Variants in CCDC12 observed in about 807,000 individuals in gnomAD.
The protein encoded by CCDC12 is coiled-coil domain containing 12, also known as coiled-coil domain-containing protein 12.
In CCDC12, 28 loss-of-function variants were observed where a neutral mutation model predicts 25.7. The observed-to-expected ratio is 1.09, with a 90% CI of 0.81 to 1.50. CCDC12 has a LOEUF of 1.50. CCDC12 is among the 40% of genes most tolerant of loss of function. The probability of loss-of-function intolerance (pLI) is 0.00; values close to 1 mark genes in which losing one functional copy is unlikely to be tolerated. For synonymous variants in CCDC12, 75 were observed against 87.7 expected, an observed-to-expected ratio of 0.86 and a Z score of 0.81; for missense variants, 198 against 210.0, an observed-to-expected ratio of 0.94 and a Z score of 0.35.
At chr3:46,964,805 C>T (rs984591255) in intron 1 of CCDC12, among the ~76,000 whole-genome samples, 1 of 152,122 alleles carries the variant, frequency 6.6e-6, no homozygotes, top group African/African-American at 2.4e-5. Context: ...CCCAGGGACA[C>T]AAACACTGCT....
At chr3:46,963,797 G>T (rs1257387400) in intron 1 of CCDC12, among the ~76,000 whole-genome samples, 7 of 151,832 alleles carry the variant, frequency 4.6e-5, no homozygotes, top group Non-Finnish European at 8.8e-5. Flanking sequence ...GCGTGATCTC[G>T]GCTCGCTACA....
chr3:46,948,196 T>G (rs2033978050), intron 1 of CCDC12, among the ~76,000 whole-genome samples: 1 of 152,206 alleles, frequency 6.6e-6, no homozygotes, highest in Non-Finnish European at 1.5e-5. Flanking sequence ...TAGACAGATC[T>G]GATTCCCCAT....
intron 1 of CCDC12, among the ~76,000 whole-genome samples, chr3:46,946,769 G>GA (rs1333516754): frequency 2.0e-5 from 3 of 152,236 alleles, no homozygotes; most frequent in Non-Finnish European, 2.9e-5. Flanking sequence ...GTGTTTGGGA[G>GA]GGGGGTTAAA....
intron 1 of CCDC12, among the ~76,000 whole-genome samples, chr3:46,944,870 C>G (rs1380453878): frequency 6.6e-6 from 1 of 152,218 alleles, no homozygotes; most frequent in Non-Finnish European, 1.5e-5. Flanking sequence ...TCCACACCCC[C>G]AGGACAACAG....
chr3:46,953,628 A>G (rs1270293182), intron 1 of CCDC12, among the ~76,000 whole-genome samples: 2 of 151,498 alleles, frequency 1.3e-5, no homozygotes, highest in African/African-American at 4.9e-5. Flanking sequence ...GTCAATGCCT[A>G]ATGACTTTTC....
At chr3:46,940,078 T>C (rs1417975176) in intron 2 of CCDC12, among the ~76,000 whole-genome samples, 2 of 152,182 alleles carry the variant, frequency 1.3e-5, no homozygotes, top group Non-Finnish European at 2.9e-5. Context: ...GAGAGCCCCA[T>C]CTCAGGGCTA....
chr3:46,978,679 T>C (rs1375309628), upstream of CCDC12, among the ~76,000 whole-genome samples: 1 of 152,060 alleles, frequency 6.6e-6, no homozygotes, highest in Non-Finnish European at 1.5e-5. Context: ...GGGCCTCAGT[T>C]TCTCCATCTG....
intron 1 of CCDC12, among the ~76,000 whole-genome samples, chr3:46,951,169 G>A (rs376073479): frequency 3.6e-4 from 55 of 152,108 alleles, no homozygotes; most frequent in African/African-American, 1.3e-3. Context: ...AAAATAAAAA[G>A]TAGAACTCAC....
intron 1 of CCDC12, among the ~76,000 whole-genome samples, chr3:46,961,139 G>A (rs1385198711): frequency 1.3e-5 from 2 of 152,000 alleles, no homozygotes; most frequent in African/African-American, 4.8e-5. Flanking sequence ...TGGGTGTGGA[G>A]AGTACATGCT....
In CCDC12 at chr3:46,923,650, T is replaced by C; in HGVS notation, c.263A>G (p.Glu88Gly). 6.4e-7 allele frequency: 1 copy of C among 1,569,012 alleles called. No individual in the cohort carries two copies. Among genetic ancestry groups the C allele is most frequent in the Non-Finnish European group, 8.6e-7 (1 of 1,157,290 alleles). Residue 88 changes from glutamate to glycine, a missense_variant, in exon 4 of 7, where the codon GAG (glutamate) becomes GGG (glycine). By Grantham distance (98) the Glu-to-Gly change is moderately conservative. Transcript: ENST00000683445. ...KPVAVEEKVK[E>G]QLEAAKPEPV... ...CTCGGGCTTGGCGGCCTCCAGCTGC[T>C]CCTTCACCTTCTCCTCCACTAGAGG...
At chr3:46,929,765 A>G (rs1274358736) in intron 2 of CCDC12, among the ~76,000 whole-genome samples, 2 of 151,530 alleles carry the variant, frequency 1.3e-5, no homozygotes, top group African/African-American at 4.9e-5. Context: ...GGTGGCTCAC[A>G]CCTGTAATTC....
At chr3:46,923,276 G>C in intron 5 of CCDC12, 53 bp downstream of exon 5, 1 of 1,446,250 alleles carries the variant, frequency 6.9e-7, no homozygotes, top group Non-Finnish European at 9.1e-7. Flanking sequence ...GCCCATGCTG[G>C]CACCAAGAGT....
At chr3:46,973,058 TAA>T (rs59781582) in intron 1 of CCDC12, among the ~76,000 whole-genome samples, 43 of 139,070 alleles carry the variant, frequency 3.1e-4, no homozygotes, top group Non-Finnish European at 3.0e-4. Flanking sequence ...CACCCGAATT[TAA>T]AAAAAAAAAA....
chr3:46,952,007 G>T (rs1276943453), intron 1 of CCDC12, among the ~76,000 whole-genome samples: 3 of 150,784 alleles, frequency 2.0e-5, no homozygotes, highest in Non-Finnish European at 4.4e-5. Context: ...GTGGGCCAAA[G>T]GTCATGACCA....
chr3:46,957,996 C>T (rs73078108), intron 1 of CCDC12, among the ~76,000 whole-genome samples: 3,209 of 142,584 alleles, frequency 0.023, 102 homozygotes, highest in African/African-American at 0.05. Context: ...CACACACACA[C>T]ATATATATGT....
In CCDC12 at chr3:46,949,574, T is replaced by A. The variant is rs73831425; in HGVS notation, c.97-8509A>T. On this transcript the variant is annotated intron_variant, in intron 1 of 6. Coordinates refer to ENST00000683445, the MANE Select transcript of CCDC12 (RefSeq NM_001277074.2). Reference sequence around the variant, plus strand: ...CTGGACTGGGCAGGTGGTGGGAACATCAGGACACACTGCTTACCAGTGGTG... The same window carrying A: ...CTGGACTGGGCAGGTGGTGGGAACAACAGGACACACTGCTTACCAGTGGTG... Among the ~76,000 whole-genome samples the A allele has an allele frequency of 2.1e-3, 323 of 152,242 alleles. 3 individuals carry two copies. The highest frequency in any genetic ancestry group is 7.5e-3 in the African/African-American group (310 of 41,548).
chr3:46,957,990 C>CAT (rs2034350008), intron 1 of CCDC12, among the ~76,000 whole-genome samples: 3 of 147,466 alleles, frequency 2.0e-5, no homozygotes, highest in Non-Finnish European at 3.0e-5. Flanking sequence ...CACACACACA[C>CAT]ACACACATAT....
intron 1 of CCDC12, among the ~76,000 whole-genome samples, chr3:46,963,465 T>C (rs62246363): frequency 6.8e-6 from 1 of 147,574 alleles, no homozygotes; most frequent in South Asian, 2.1e-4. Context: ...CTCCCACGGT[T>C]TCCCTCTCCC....
intron 1 of CCDC12, among the ~76,000 whole-genome samples, chr3:46,944,863 AC>A (rs2033844619): frequency 1.3e-5 from 2 of 152,166 alleles, no homozygotes; most frequent in Admixed American, 1.3e-4. Context: ...CTGGGTCTCC[AC>A]ACCCCCAGGA....
Sources: allele counts gnomAD v4.1 joint callset (sites outside exome capture counted in the v4.1 genomes callset), GRCh38; gene constraint gnomAD v4.1.1; transcripts MANE v1.5; gene names NCBI Gene and HGNC (gene_info 2026-07-23, HGNC 2026-07-21).